Variants in AIPL1 observed in about 807,000 individuals in gnomAD.
The protein encoded by AIPL1 is AIP like 1 HSP90 co-chaperone.
AIPL1 carries 23 observed loss-of-function variants against 32.9 expected under a neutral mutation model. The observed-to-expected ratio is 0.70, with a 90% CI of 0.50 to 0.99. The LOEUF is 0.99. Ranked by LOEUF, AIPL1 falls within the 50% of genes least tolerant of loss-of-function variation. AIPL1 has a pLI of 0.00. For missense variants in AIPL1, 485 were observed against 506.0 expected (o/e 0.96, Z 0.40); for synonymous variants, 210 against 209.4 (o/e 1.00, Z -0.02).
chr17:6,433,611 T>TCTCTCTCTCACACA (rs758622569), intron 2 of AIPL1, among the ~76,000 whole-genome samples: 2 of 106,258 alleles, frequency 1.9e-5, no homozygotes, highest in African/African-American at 3.7e-5. Context: ...TCTCTCTCTC[T>TCTCTCTCTCACACA]CACACACACA....
At position 6,426,747 on chromosome 17, in the gene AIPL1, A is replaced by G; in HGVS notation, c.652T>C (p.Trp218Arg). 1.2e-6 allele frequency: 2 copies of G among 1,613,712 alleles called. No individual in the cohort carries two copies. The highest frequency in any genetic ancestry group is 1.7e-5 in the Admixed American group (1 of 60,000). Residue 218 changes from tryptophan (W) to arginine (R), a missense_variant, in exon 5 of 6, where the codon TGG becomes CGG. Coordinates refer to ENST00000381129, the MANE Select transcript of AIPL1 (RefSeq NM_014336.5). ...TCCAGCTTCAGCCACTGCACCTCCC[A>G]TGGCTTCTCCTGCCCAGGGAGAAGG... The part of the protein sequence containing the change: ...LRNLQTKEKP[W>R]EVQWLKLEKM...
At chr17:6,428,983 C>T (rs747065513) in intron 2 of AIPL1, among the ~76,000 whole-genome samples, 28 of 152,198 alleles carry the variant, frequency 1.8e-4, no homozygotes, top group Admixed American at 9.2e-4. Flanking sequence ...CCAAGAGAGT[C>T]GCTTTGGTGT....
intron 2 of AIPL1, among the ~76,000 whole-genome samples, chr17:6,429,196 G>A (rs767159389): frequency 2.6e-5 from 4 of 152,200 alleles, no homozygotes; most frequent in African/African-American, 4.8e-5. Context: ...GGGAAGATCC[G>A]CCGTGCGGCC....
Position 6,435,012 on chromosome 17 carries a change from G to C in AIPL1, c.93C>G (p.Ser31=), listed in dbSNP as rs1597342748. ...TGELPNFITG[S]RVIFHFRTMK... Reference sequence around the variant, plus strand: ...GCTCCGGAGGGGCCCCACTCACTCGGGATCCGGTGATGAAGTTTGGGAGCT... The same window carrying C: ...GCTCCGGAGGGGCCCCACTCACTCGCGATCCGGTGATGAAGTTTGGGAGCT... Residue 31 remains serine (S), a synonymous_variant, in exon 1 of 6, where the codon TCC becomes TCG. Coordinates refer to ENST00000381129, the MANE Select transcript of AIPL1 (RefSeq NM_014336.5). 2.5e-6 allele frequency: 4 copies of C among 1,614,140 alleles called. No individual in the cohort carries two copies. Among genetic ancestry groups the C allele is most frequent in the Non-Finnish European group, 3.4e-6 (4 of 1,180,018 alleles).
Position 6,425,487 on chromosome 17 carries a change from CG to C in AIPL1, c.1127del (p.Pro376ArgfsTer42), listed in dbSNP as rs774736002. The C allele has an allele frequency of 2.5e-6, 4 of 1,603,842 alleles. No individual in the cohort carries two copies. The highest frequency in any genetic ancestry group is 1.7e-5 in the Admixed American group (1 of 59,904). Reference protein sequence around the residue: ...PPAEPATEPPPSPGHSLQH With the variant: ...PPAEPATEPPXSPGHSLQH ...AGTGCTGCAGCGAGTGCCCTGGGGA[CG>C]GGGGTGGCTCTGTGGCTGGCTCTGC... On this transcript the variant is annotated frameshift_variant, in exon 6 of 6. Coordinates refer to ENST00000381129, the MANE Select transcript of AIPL1 (RefSeq NM_014336.5). LOFTEE classifies it low-confidence loss of function (END_TRUNC).
chr17:6,434,172 G>T, intron 1 of AIPL1, 74 bp from the exon 2 acceptor site: 2 of 1,530,904 alleles, frequency 1.3e-6, no homozygotes, highest in Non-Finnish European at 8.9e-7. Context: ...CCTTGCCACC[G>T]ACACCCAGGG....
Position 6,425,438 on chromosome 17 carries a change from G to T in AIPL1, c.*22C>A. The T allele has an allele frequency of 6.4e-7, 1 of 1,569,860 alleles. No homozygotes were observed. Among genetic ancestry groups the T allele is most frequent in the Non-Finnish European group, 8.6e-7 (1 of 1,158,204 alleles). ...ACCAGGCCACTTGCTCCCTGCCTGG[G>T]TGGCTGTGGGCCTCAGGGGGCTCAG... On this transcript the variant is annotated 3_prime_UTR_variant, in exon 6 of 6. Coordinates refer to ENST00000381129, the MANE Select transcript of AIPL1 (RefSeq NM_014336.5).
Position 6,434,077 on chromosome 17 carries a change from T to C in AIPL1, c.118A>G (p.Met40Val). 1 of 1,614,006 alleles carries C rather than the reference T, an allele frequency of 6.2e-7. No individual in the cohort carries two copies. Among genetic ancestry groups the C allele is most frequent in the Non-Finnish European group, 8.5e-7 (1 of 1,180,000 alleles). ...GSRVIFHFRT[M>V]KCDEERTVID... is the part of the protein sequence containing the mutation. ...ACTGTCCGCTCCTCATCACATTTCA[T>C]GGTGCGGAAATGAAAGATCACCTAG... Residue 40 changes from methionine (M) to valine (V), a missense_variant, in exon 2 of 6, where the codon ATG (methionine) becomes GTG (valine). Transcript: ENST00000381129.
At position 6,425,211 on chromosome 17, in the gene AIPL1, A is replaced by T. The variant is rs569147535; in HGVS notation, c.*249T>A. 9.4e-6 allele frequency: 4 copies of T among 423,366 alleles called. No individual in the cohort carries two copies. Among genetic ancestry groups the T allele is most frequent in the African/African-American group, 6.0e-5 (3 of 50,106 alleles). 26.2% of individuals were successfully genotyped at this position (423,366 alleles called of 1,614,324 possible). On this transcript the variant is annotated 3_prime_UTR_variant, in exon 6 of 6. Transcript: ENST00000381129. Reference sequence around the variant, plus strand: ...AATAGAGAAAACTACCAGAAGAATTAAAAACAGGGTCAATTAAAACCATGG... The same window carrying T: ...AATAGAGAAAACTACCAGAAGAATTTAAAACAGGGTCAATTAAAACCATGG...
intron 1 of AIPL1, 42 bp downstream of exon 1, chr17:6,434,967 T>C: frequency 6.2e-7 from 1 of 1,613,718 alleles, no homozygotes; most frequent in Non-Finnish European, 8.5e-7. Flanking sequence ...TGTTGAAAGC[T>C]GCTGTGGGGG....
intron 2 of AIPL1, among the ~76,000 whole-genome samples, chr17:6,431,197 A>C (rs1252437823): frequency 3.9e-5 from 6 of 152,040 alleles, no homozygotes; most frequent in Non-Finnish European, 8.8e-5. Flanking sequence ...TGTAATCCCA[A>C]CACTTTGGGA....
Position 6,425,664 on chromosome 17 carries a change from C to CT in AIPL1, c.950dup (p.Glu318GlyfsTer90), listed in dbSNP as rs762137834. 3 of 1,610,680 alleles carry CT rather than the reference C, an allele frequency of 1.9e-6. No individual in the cohort carries two copies. The highest frequency in any genetic ancestry group is 2.5e-6 in the Non-Finnish European group (3 of 1,179,974). On this transcript the variant is annotated frameshift_variant, in exon 6 of 6. Transcript: ENST00000381129. LOFTEE classifies it low-confidence loss of function (END_TRUNC). ...TGTTCCGGCAGCGCAGCCGCTCCTC[C>CT]TCCTGCTTCTCCGCCATGCGGTTCT...
In AIPL1 at chr17:6,434,021, G is replaced by C; in HGVS notation, c.174C>G (p.Pro58=). 6.2e-7 allele frequency: 1 copy of C among 1,614,062 alleles called. No homozygotes were observed. Residue 58 remains proline (P), a synonymous_variant, in exon 2 of 6, where the codon CCC becomes CCG. Coordinates refer to ENST00000381129, the MANE Select transcript of AIPL1 (RefSeq NM_014336.5). ...VIDDSRQVGQ[P]MHIIIGNMFK... ...ACATGTTTCCGATGATGATGTGCAT[G>C]GGCTGGCCCACCTGCCGACTGTCGT... is the stretch of plus-strand genomic sequence containing the variant.
chr17:6,427,072 GCAGGT>G lies in AIPL1; in HGVS notation c.466-20_466-16del, dbSNP rs1434655295. 1.2e-6 allele frequency: 2 copies of G among 1,613,800 alleles called. No individual in the cohort carries two copies. The highest frequency in any genetic ancestry group is 1.7e-6 in the Non-Finnish European group (2 of 1,180,028). On this transcript the variant is annotated splice_polypyrimidine_tract_variant and intron_variant, in intron 3 of 5. Coordinates refer to ENST00000381129, the MANE Select transcript of AIPL1 (RefSeq NM_014336.5). Reference sequence around the variant, plus strand: ...GGGGCATCAACCTGGCCCCAGAGCTGCAGGTCAGTGAGGCAGGGACCCCAGGGGCC... The same window carrying G: ...GGGGCATCAACCTGGCCCCAGAGCTGCAGTGAGGCAGGGACCCCAGGGGCC...
At chr17:6,431,230 G>A (rs1241253690) in intron 2 of AIPL1, among the ~76,000 whole-genome samples, 1 of 152,052 alleles carries the variant, frequency 6.6e-6, no homozygotes, top group East Asian at 1.9e-4. Flanking sequence ...CAGATCACTT[G>A]AGGTCAAGAG....
chr17:6,434,172 G>A (rs1447797734), intron 1 of AIPL1, 74 bp from the exon 2 acceptor site: 9 of 1,530,906 alleles, frequency 5.9e-6, no homozygotes, highest in Middle Eastern at 1.7e-4. Context: ...CCTTGCCACC[G>A]ACACCCAGGG....
chr17:6,428,862 C>T (rs1272635416), intron 2 of AIPL1, among the ~76,000 whole-genome samples: 1 of 152,222 alleles, frequency 6.6e-6, no homozygotes, highest in East Asian at 1.9e-4. Context: ...TCTTCTGGCC[C>T]TTGTGGTCCA....
chr17:6,435,050 C>T lies in AIPL1; in HGVS notation c.55G>A (p.Gly19Arg). The change falls in exon 1 of 6, where the codon GGG becomes AGG. Residue 19 changes from glycine (G) to arginine (R), a missense_variant. By Grantham distance (125) the Gly-to-Arg change is moderately radical. Transcript: ENST00000381129. Reference sequence around the variant, plus strand: ...AAGTTTGGGAGCTCGCCCGTGCCCCCGTGCAGAATGGTTTTCTTGACCCCT... The same window carrying T: ...AAGTTTGGGAGCTCGCCCGTGCCCCTGTGCAGAATGGTTTTCTTGACCCCT... Reference protein sequence around the residue: ...VEGVKKTILHGGTGELPNFIT... With the variant: ...VEGVKKTILHRGTGELPNFIT... 6.2e-7 allele frequency: 1 copy of T among 1,614,208 alleles called. No individual in the cohort carries two copies. Among genetic ancestry groups the T allele is most frequent in the African/African-American group, 1.3e-5 (1 of 75,050 alleles).
chr17:6,425,307 G>GTTTTGT lies in AIPL1; in HGVS notation c.*152_*153insACAAAA, dbSNP rs1567633877. ...TAAGCTCTTCTGTACCCTTGGGATTGTTTTTTTTTTTTTTTTTACCATGGG... is the reference window on the plus strand; with the variant it reads ...TAAGCTCTTCTGTACCCTTGGGATTGTTTTGTTTTTTTTTTTTTTTTTTACCATGGG... On this transcript the variant is annotated 3_prime_UTR_variant, in exon 6 of 6. Transcript: ENST00000381129. The GTTTTGT allele has an allele frequency of 9.4e-6, 7 of 744,928 alleles. No individual in the cohort carries two copies. Among genetic ancestry groups the GTTTTGT allele is most frequent in the South Asian group, 3.1e-5 (1 of 32,370 alleles). The allele number at this position is 744,928 out of a possible 1,614,324, so 46.1% of individuals were successfully genotyped here. A position where few individuals can be genotyped will look rare whatever the true frequency, so the allele number is the denominator to read the frequency against.
Sources: gnomAD v4.1 joint callset for allele counts (sites outside exome capture counted in the v4.1 genomes callset) on GRCh38, gnomAD v4.1.1 for gene constraint, MANE v1.5 for transcripts, NCBI Gene and HGNC (gene_info 2026-07-23, HGNC 2026-07-21) for gene names.